The following CD82 variants were observed in gnomAD, a reference collection of about 807,000 sequenced individuals.
CD82 encodes CD82 molecule.
A neutral mutation model predicts 37.4 loss-of-function variants in CD82; 36 were observed. The observed-to-expected ratio is 0.96, with a 90% CI of 0.74 to 1.27. The LOEUF (loss-of-function observed/expected upper bound fraction) is 1.27. Ranked by LOEUF, CD82 falls within the 50% of genes most tolerant of loss-of-function variation. The probability of loss-of-function intolerance (pLI) is 0.00; values close to 1 mark genes in which losing one functional copy is unlikely to be tolerated. For synonymous variants in CD82, 158 were observed against 137.4 expected (o/e 1.15, Z -1.05); for missense variants, 340 against 347.0 (o/e 0.98, Z 0.16).
intron 2 of CD82, among the ~76,000 whole-genome samples, chr11:44,590,609 T>TAAAAAAAAAAA (rs1484309011): frequency 1.2e-3 from 1 of 832 alleles, no homozygotes; most frequent in Non-Finnish European, 4.9e-3. Flanking sequence ...AGATTCTGTC[T>TAAAAAAAAAAA]CAAAAAAAAA....
rs568912523 is a variant in CD82 at position 44,591,862 on chromosome 11, C to T, written c.-20-2781C>T. Among the ~76,000 whole-genome samples the T allele has an allele frequency of 1.5e-4, 23 of 152,224 alleles. 1 individual carries two copies. The South Asian group carries it at 4.8e-3, about 32-fold the overall frequency. Reference sequence around the variant, plus strand: ...TTTTTGAGACAAAGTCTCTGTTGCCCAGGCTGGAGTGCAGTGGCGCAATCT... The same window carrying T: ...TTTTTGAGACAAAGTCTCTGTTGCCTAGGCTGGAGTGCAGTGGCGCAATCT... On this transcript the variant is annotated intron_variant, in intron 2 of 9. Transcript: ENST00000227155.
chr11:44,600,034 G>T, intron 3 of CD82, 124 bp from the exon 4 acceptor site: 1 of 850,542 alleles, frequency 1.2e-6, no homozygotes, highest in South Asian at 1.5e-5. Flanking sequence ...GGCTGGAGAA[G>T]GGTGGATGTG....
chr11:44,576,684 C>T (rs922603790), intron 1 of CD82, among the ~76,000 whole-genome samples: 4 of 152,198 alleles, frequency 2.6e-5, no homozygotes, highest in Non-Finnish European at 4.4e-5. Context: ...AGTCACTGCC[C>T]AGTTTGGGAC....
intron 6 of CD82, among the ~76,000 whole-genome samples, chr11:44,612,622 A>ATTTTT (rs1853500458): frequency 1.5e-5 from 1 of 65,386 alleles, no homozygotes; most frequent in Non-Finnish European, 3.0e-5. Context: ...TCCCAGCATT[A>ATTTTT]ATTTTTTTTT....
chr11:44,608,247 A>T (rs994125362), intron 6 of CD82: 1 of 152,086 alleles, frequency 6.6e-6, no homozygotes, highest in African/African-American at 2.4e-5. Context: ...TTGAAAGGAG[A>T]TAGGGCTCCC....
Position 44,618,633 on chromosome 11 carries a change from C to G in CD82, c.643-7C>G, listed in dbSNP as rs1468010688. 1.2e-6 allele frequency: 2 copies of G among 1,609,106 alleles called. No individual in the cohort carries two copies. The highest frequency in any genetic ancestry group is 1.7e-4 in the Middle Eastern group (1 of 6,056). On this transcript the variant is annotated splice_region_variant and splice_polypyrimidine_tract_variant and intron_variant, in intron 8 of 9. Transcript: ENST00000227155. ...CGGGGTGATGTGACCGCATTCTGCCCTTGCAGGGCTGCATGGAGAAGGTGC... is the reference window on the plus strand; with the variant it reads ...CGGGGTGATGTGACCGCATTCTGCCGTTGCAGGGCTGCATGGAGAAGGTGC...
At chr11:44,594,816 CGGGGATTGG>C in intron 3 of CD82, 91 bp downstream of exon 3, 1 of 1,093,380 alleles carries the variant, frequency 9.1e-7, no homozygotes, top group Non-Finnish European at 1.4e-6. Flanking sequence ...CCGACCGGGC[CGGGGATTGG>C]GGGGATTTGG....
At chr11:44,612,937 C>G (rs1316820029) in intron 6 of CD82, among the ~76,000 whole-genome samples, 1 of 151,994 alleles carries the variant, frequency 6.6e-6, no homozygotes, top group African/African-American at 2.4e-5. Flanking sequence ...ATGGCCAGCC[C>G]CAGCATTAAT....
At position 44,619,035 on chromosome 11, in the gene CD82, G is replaced by A. The variant is rs200090558; in HGVS notation, c.727-14G>A. ...ACACCCAGCCTCCCTCTGACTCTCC[G>A]CCTCTCCCCACAGCTCCTGGGGATG... On this transcript the variant is annotated splice_polypyrimidine_tract_variant and intron_variant, in intron 9 of 9. Transcript: ENST00000227155. 2.2e-5 allele frequency: 35 copies of A among 1,612,560 alleles called. No individual in the cohort carries two copies. The highest frequency in any genetic ancestry group is 6.7e-5 in the African/African-American group (5 of 74,958).
intron 1 of CD82, among the ~76,000 whole-genome samples, chr11:44,575,333 C>T (rs1392095550): frequency 6.6e-6 from 1 of 152,206 alleles, no homozygotes; most frequent in African/African-American, 2.4e-5. Flanking sequence ...TATTTAATGA[C>T]CTCTCCCCAC....
At chr11:44,604,879 G>A (rs1853365123) in intron 4 of CD82, 179 bp from the exon 5 acceptor site, 1 of 745,944 alleles carries the variant, frequency 1.3e-6, no homozygotes, top group African/African-American at 1.7e-5. Context: ...CTGGGGGAGG[G>A]ACACAAGTGG....
At chr11:44,615,503 G>A in intron 7 of CD82, 130 bp downstream of exon 7, 1 of 654,406 alleles carries the variant, frequency 1.5e-6, no homozygotes, top group Non-Finnish European at 2.8e-6. Context: ...AGGAGAGTGT[G>A]CTTCTATGGG....
intron 2 of CD82, among the ~76,000 whole-genome samples, chr11:44,592,217 G>A (rs1330117991): frequency 6.6e-6 from 1 of 152,166 alleles, no homozygotes; most frequent in Non-Finnish European, 1.5e-5. Context: ...CCCCTTTCCC[G>A]GACTTTCTGA....
intron 6 of CD82, among the ~76,000 whole-genome samples, chr11:44,613,481 A>G (rs1853516307): frequency 6.6e-6 from 1 of 152,186 alleles, no homozygotes; most frequent in Non-Finnish European, 1.5e-5. Context: ...TCTCCACCAC[A>G]AGAAGGAACC....
At position 44,619,224 on chromosome 11, in the gene CD82, C is replaced by T. The variant is rs939626355; in HGVS notation, c.*98C>T. The T allele has an allele frequency of 6.0e-5, 58 of 963,288 alleles. No individual in the cohort carries two copies. The highest frequency in any genetic ancestry group is 1.0e-4 in the Admixed American group (6 of 57,760). 59.7% of individuals were successfully genotyped at this position (963,288 alleles called of 1,614,324 possible). The stretch of plus-strand genomic sequence containing the variant: ...TCCAGGCCTGCCTCCCACTTCACTG[C>T]GAAGACCCTCTTGCCCATCCTGACT... On this transcript the variant is annotated 3_prime_UTR_variant, in exon 10 of 10. Coordinates refer to ENST00000227155, the MANE Select transcript of CD82 (RefSeq NM_002231.4).
chr11:44,568,211 A>G (rs916844670), intron 1 of CD82, among the ~76,000 whole-genome samples: 1 of 152,132 alleles, frequency 6.6e-6, no homozygotes, highest in African/African-American at 2.4e-5. Context: ...CAATGGCTGC[A>G]GTGACTGGGA....
chr11:44,594,819 G>A (rs2134656150), intron 3 of CD82, 94 bp downstream of exon 3: 2 of 1,018,696 alleles, frequency 2.0e-6, no homozygotes, highest in Admixed American at 3.4e-5. Flanking sequence ...ACCGGGCCGG[G>A]GATTGGGGGG....
intron 1 of CD82, among the ~76,000 whole-genome samples, chr11:44,584,064 GGTA>G (rs1353814984): frequency 6.6e-6 from 1 of 152,170 alleles, no homozygotes; most frequent in Non-Finnish European, 1.5e-5. Flanking sequence ...TGGTGGTGGT[GGTA>G]GTGGCGGGAT....
rs1344120980 is a variant in CD82 at position 44,565,723 on chromosome 11, A to G, written c.-116A>G. The G allele has an allele frequency of 1.3e-5, 2 of 152,166 alleles. No homozygotes were observed. Among genetic ancestry groups the G allele is most frequent in the African/African-American group, 4.8e-5 (2 of 41,418 alleles). The allele number at this position is 152,166 out of a possible 1,614,324, so 9.4% of individuals were successfully genotyped here. ...GCTGGGCCTGCAGCGCGGAGCAGAA[A>G]GCAGAACCCGCAGGTGAGCAAGGGG... is the stretch of plus-strand genomic sequence containing the variant. On this transcript the variant is annotated 5_prime_UTR_variant, in exon 1 of 10. Coordinates refer to ENST00000227155, the MANE Select transcript of CD82 (RefSeq NM_002231.4).
Sources: gnomAD v4.1 joint callset for allele counts (sites outside exome capture counted in the v4.1 genomes callset) on GRCh38, gnomAD v4.1.1 for gene constraint, MANE v1.5 for transcripts, NCBI Gene and HGNC (gene_info 2026-07-23, HGNC 2026-07-21) for gene names.